CDH18: variants seen among roughly 807,000 people sequenced by gnomAD.
CDH18 encodes cadherin 18, also known as cadherin-18.
Under a neutral mutation model 67.9 loss-of-function variants are expected in CDH18, and 31 were observed. The observed-to-expected ratio is 0.46, with a 90% CI of 0.34 to 0.62. The LOEUF (loss-of-function observed/expected upper bound fraction) is 0.62. Among genes scored for constraint, CDH18 ranks in the 20% least tolerant of loss-of-function variants. The pLI, the probability that CDH18 is intolerant of heterozygous loss-of-function variation, is 0.01. For synonymous variants in CDH18, 362 were observed against 347.2 expected, an observed-to-expected ratio of 1.04 and a Z score of -0.48; for missense variants, 890 against 975.5, an observed-to-expected ratio of 0.91 and a Z score of 1.17.
At chr5:20,195,821 T>C (rs1738928794) in intron 2 of CDH18, among the ~76,000 whole-genome samples, 1 of 152,142 alleles carries the variant, frequency 6.6e-6, no homozygotes. Context: ...ATTTGTAATT[T>C]ATCATGGGGC....
chr5:19,494,026 AG>A (rs2126688922), intron 11 of CDH18, among the ~76,000 whole-genome samples: 1 of 152,288 alleles, frequency 6.6e-6, no homozygotes, highest in South Asian at 2.1e-4. Flanking sequence ...TATCACTAAA[AG>A]AAGATCAACT....
intron 3 of CDH18, among the ~76,000 whole-genome samples, chr5:19,825,696 A>T (rs762347133): frequency 1.3e-5 from 2 of 152,050 alleles, no homozygotes; most frequent in Non-Finnish European, 2.9e-5. Context: ...CAAACTCTCA[A>T]GGGCATCAAA....
chr5:20,524,599 T>C (rs966924301), intron 1 of CDH18, among the ~76,000 whole-genome samples: 4 of 152,220 alleles, frequency 2.6e-5, no homozygotes, highest in South Asian at 2.1e-4. Flanking sequence ...TAGGTATATG[T>C]ACATATCAAT....
chr5:20,435,776 TTAAC>T (rs531983796), intron 1 of CDH18, among the ~76,000 whole-genome samples: 33 of 152,008 alleles, frequency 2.2e-4, no homozygotes, highest in Admixed American at 2.6e-4. Flanking sequence ...TTTAAGATAC[TTAAC>T]TGTCACAAGT....
At chr5:19,888,227 C>T (rs921916346) in intron 2 of CDH18, among the ~76,000 whole-genome samples, 1 of 152,114 alleles carries the variant, frequency 6.6e-6, no homozygotes, top group Non-Finnish European at 1.5e-5. Flanking sequence ...AATTAGCTTG[C>T]ACACAAAAAC....
chr5:20,499,664 A>G (rs537069672), intron 1 of CDH18, among the ~76,000 whole-genome samples: 1 of 152,178 alleles, frequency 6.6e-6, no homozygotes, highest in Non-Finnish European at 1.5e-5. Flanking sequence ...CAGTAAATTT[A>G]ATAAACTTAG....
intron 5 of CDH18, among the ~76,000 whole-genome samples, chr5:19,705,695 G>A (rs1454793932): frequency 6.6e-6 from 1 of 152,002 alleles, no homozygotes; most frequent in Non-Finnish European, 1.5e-5. Context: ...TCCTTATTTG[G>A]ATCAAATCAC....
intron 2 of CDH18, among the ~76,000 whole-genome samples, chr5:20,093,923 G>C (rs1393314250): frequency 6.6e-6 from 1 of 152,166 alleles, no homozygotes; most frequent in African/African-American, 2.4e-5. Context: ...ATGTTTTGAA[G>C]AGAAAGGAGA....
chr5:20,455,077 G>GA (rs60672849), intron 1 of CDH18, among the ~76,000 whole-genome samples: 102,700 of 148,044 alleles, frequency 0.69, 36,231 homozygotes, highest in Admixed American at 0.82. Flanking sequence ...ACTGTGAGCA[G>GA]AAAAAAAAAA....
Position 20,250,619 on chromosome 5 carries a change from T to C in CDH18, c.-518+4825A>G, listed in dbSNP as rs866237414. ...TTTTTTTTTTTTTTTTTTTTTTTTT[T>C]CGAGATTTAATCTTGTTCTGTCGCC... On this transcript the variant is annotated intron_variant, in intron 2 of 14. Transcript: ENST00000507958. Among the ~76,000 whole-genome samples the C allele has an allele frequency of 1.5e-3, 144 of 95,216 alleles. 1 individual carries two copies. Among genetic ancestry groups the C allele is most frequent in the Admixed American group, 3.3e-3 (27 of 8,238 alleles). 62.5% of individuals were successfully genotyped at this position (95,216 alleles called of 152,430 possible).
intron 2 of CDH18, among the ~76,000 whole-genome samples, chr5:20,111,878 T>C: frequency 6.6e-6 from 1 of 152,288 alleles, no homozygotes; most frequent in Non-Finnish European, 1.5e-5. Flanking sequence ...CTACTTACAA[T>C]ATAATTACAA....
At chr5:19,925,249 G>A (rs1242687964) in intron 2 of CDH18, among the ~76,000 whole-genome samples, 3 of 152,144 alleles carry the variant, frequency 2.0e-5, no homozygotes, top group African/African-American at 7.2e-5. Context: ...TCAAGCTACA[G>A]TATGTATAAA....
intron 5 of CDH18, among the ~76,000 whole-genome samples, chr5:19,638,984 T>TC (rs1413709284): frequency 1.3e-5 from 1 of 77,502 alleles, no homozygotes; most frequent in Non-Finnish European, 2.7e-5. Flanking sequence ...GCTGTTTTTT[T>TC]TTTTTTTTTT....
At chr5:20,569,801 TAAAC>T (rs1224844032) in intron 1 of CDH18, among the ~76,000 whole-genome samples, 1 of 152,178 alleles carries the variant, frequency 6.6e-6, no homozygotes, top group Non-Finnish European at 1.5e-5. Flanking sequence ...GATGAATGAA[TAAAC>T]AAACTGTGGC....
intron 4 of CDH18, among the ~76,000 whole-genome samples, chr5:19,734,207 A>T (rs192066476): frequency 3.3e-5 from 5 of 152,344 alleles, no homozygotes; most frequent in African/African-American, 1.2e-4. Context: ...TTGAAAGAGA[A>T]ATAGCACATT....
intron 1 of CDH18, among the ~76,000 whole-genome samples, chr5:19,981,892 A>T (rs1799079969): frequency 6.6e-6 from 1 of 152,120 alleles, no homozygotes; most frequent in Admixed American, 6.6e-5. Flanking sequence ...ATCTCTTGAC[A>T]ATTTTTTTCT....
chr5:19,776,764 G>GCCAAAGCTACTCCACTCCA (rs1215809071), intron 3 of CDH18, among the ~76,000 whole-genome samples: 1 of 152,130 alleles, frequency 6.6e-6, no homozygotes. Flanking sequence ...GGGAGCTTTG[G>GCCAAAGCTACTCCACTCCA]AGTGTGGTAT....
At position 19,721,393 on chromosome 5, in the gene CDH18, G is replaced by A. The variant is rs572468393; in HGVS notation, c.597C>T (p.Tyr199=). 1.3e-4 allele frequency: 202 copies of A among 1,609,678 alleles called. 2 individuals carry two copies. In the South Asian group the frequency reaches 2.1e-3, roughly 17 times the overall value. Residue 199 remains tyrosine, a synonymous_variant, in exon 5 of 13, where the codon TAC becomes TAT. Coordinates refer to ENST00000382275, the MANE Select transcript of CDH18 (RefSeq NM_004934.5). ...AGTAGGGTTGTCCTTGGAGAATGCT[G>A]TAAACCACCCGAGCGCTGTTTCCAT... The part of the protein sequence containing the change: ...PTYGNSARVV[Y]SILQGQPYFS...
chr5:20,310,860 G>C (rs1736918383), intron 1 of CDH18, among the ~76,000 whole-genome samples: 1 of 152,092 alleles, frequency 6.6e-6, no homozygotes, highest in Non-Finnish European at 1.5e-5. Flanking sequence ...TGTCATTGCT[G>C]TTTTTCTGGT....
Sources: gnomAD v4.1 joint callset for allele counts (sites outside exome capture counted in the v4.1 genomes callset) on GRCh38, gnomAD v4.1.1 for gene constraint, MANE v1.5 for transcripts, NCBI Gene and HGNC (gene_info 2026-07-23, HGNC 2026-07-21) for gene names.